SLC14A2: variants seen among roughly 807,000 people sequenced by gnomAD.
SLC14A2 encodes the protein urea transporter 2.
SLC14A2 carries 91 observed loss-of-function variants against 104.6 expected under a neutral mutation model. The observed-to-expected ratio is 0.87, with a 90% CI of 0.73 to 1.04. SLC14A2 has a LOEUF of 1.04. Among genes scored for constraint, SLC14A2 ranks in the 50% least tolerant of loss-of-function variants. The pLI is 0.00. For synonymous variants in SLC14A2, 476 were observed against 466.4 expected, an observed-to-expected ratio of 1.02 and a Z score of -0.27; for missense variants, 1,189 against 1,156.0, an observed-to-expected ratio of 1.03 and a Z score of -0.41.
At chr18:45,641,165 C>G in intron 7 of SLC14A2, 44 bp from the exon 8 acceptor site, 1 of 1,604,456 alleles carries the variant, frequency 6.2e-7, no homozygotes, top group Non-Finnish European at 8.5e-7. Context: ...GGTCTTTGTT[C>G]TGTGGCCCAG....
At chr18:45,319,819 G>T (rs368039823) in intron 1 of SLC14A2, among the ~76,000 whole-genome samples, 27 of 152,336 alleles carry the variant, frequency 1.8e-4, no homozygotes, top group African/African-American at 6.5e-4. Flanking sequence ...AATGGCTTCA[G>T]TAGGGTATAT....
chr18:45,496,313 TG>T (rs2043096989), intron 2 of SLC14A2, among the ~76,000 whole-genome samples: 1 of 152,196 alleles, frequency 6.6e-6, no homozygotes, highest in African/African-American at 2.4e-5. Context: ...GAAAGATGCC[TG>T]GATAGCTGGT....
intron 1 of SLC14A2, among the ~76,000 whole-genome samples, chr18:45,334,543 A>G (rs1397819414): frequency 6.6e-6 from 1 of 152,188 alleles, no homozygotes; most frequent in African/African-American, 2.4e-5. Flanking sequence ...GTATAAATGT[A>G]TTTACTTCTG....
chr18:45,400,072 A>G (rs1428333753), intron 1 of SLC14A2, among the ~76,000 whole-genome samples: 1 of 152,208 alleles, frequency 6.6e-6, no homozygotes, highest in Non-Finnish European at 1.5e-5. Flanking sequence ...GTGTAATATT[A>G]TTTGAGACAA....
chr18:45,295,188 G>C (rs1177505882), intron 1 of SLC14A2, among the ~76,000 whole-genome samples: 1 of 152,172 alleles, frequency 6.6e-6, no homozygotes, highest in Admixed American at 6.5e-5. Context: ...TTCTGTTTTG[G>C]ACAACTGGGA....
At chr18:45,547,185 GA>G (rs1035600941) in intron 2 of SLC14A2, among the ~76,000 whole-genome samples, 8 of 149,622 alleles carry the variant, frequency 5.3e-5, no homozygotes, top group Admixed American at 1.3e-4. Context: ...TAAACAAAAG[GA>G]AAAAAAAAGA....
intron 2 of SLC14A2, among the ~76,000 whole-genome samples, chr18:45,500,930 A>C (rs2043188268): frequency 6.6e-6 from 1 of 152,206 alleles, no homozygotes; most frequent in Non-Finnish European, 1.5e-5. Flanking sequence ...TAACATAGCA[A>C]GAAGTATTTC....
intron 1 of SLC14A2, among the ~76,000 whole-genome samples, chr18:45,401,342 G>A (rs2086093898): frequency 6.6e-6 from 1 of 152,166 alleles, no homozygotes; most frequent in South Asian, 2.1e-4. Context: ...CATGAGGGTA[G>A]GGACTATTTT....
intron 1 of SLC14A2, among the ~76,000 whole-genome samples, chr18:45,277,699 G>A (rs376570712): frequency 9.2e-5 from 14 of 152,136 alleles, no homozygotes; most frequent in Admixed American, 2.0e-4. Flanking sequence ...ATGAGCCACC[G>A]TGACCGGCCT....
At chr18:45,356,521 G>A (rs1005950926) in intron 1 of SLC14A2, among the ~76,000 whole-genome samples, 1 of 152,170 alleles carries the variant, frequency 6.6e-6, no homozygotes. Context: ...TTGGACTAAT[G>A]AGATACGGGA....
At chr18:45,380,904 T>C (rs1453910997) in intron 1 of SLC14A2, among the ~76,000 whole-genome samples, 1 of 152,232 alleles carries the variant, frequency 6.6e-6, no homozygotes, top group Non-Finnish European at 1.5e-5. Context: ...CTTAGCCTTG[T>C]TATCGGGGAT....
chr18:45,173,794 G>A, the SLC14A2 span, among the ~76,000 whole-genome samples: 51,075 of 151,944 alleles, frequency 0.34, 9,079 homozygotes, highest in Non-Finnish European at 0.4. Flanking sequence ...CCTGGCTGTG[G>A]TACTACAGAG....
intron 1 of SLC14A2, among the ~76,000 whole-genome samples, chr18:45,274,955 A>C (rs1323086601): frequency 6.6e-6 from 1 of 152,202 alleles, no homozygotes; most frequent in East Asian, 1.9e-4. Flanking sequence ...TCCAGGGAGA[A>C]GCTGTAGAGA....
chr18:45,673,207 A>G (rs1473301794), intron 17 of SLC14A2, among the ~76,000 whole-genome samples, 160 bp downstream of exon 17: 1 of 152,020 alleles, frequency 6.6e-6, no homozygotes, highest in Non-Finnish European at 1.5e-5. Flanking sequence ...TAGCCCCTTT[A>G]TCCTCCCCTG....
chr18:45,559,215 A>G (rs946290901), intron 2 of SLC14A2, among the ~76,000 whole-genome samples: 2 of 152,208 alleles, frequency 1.3e-5, no homozygotes, highest in Non-Finnish European at 1.5e-5. Flanking sequence ...AGCAGCCACA[A>G]TGTTAGTCAG....
At chr18:45,672,545 AT>A (rs1171295141) in intron 16 of SLC14A2, among the ~76,000 whole-genome samples, 8 of 150,678 alleles carry the variant, frequency 5.3e-5, no homozygotes, top group Non-Finnish European at 1.0e-4. Context: ...AAAAAAAAAA[AT>A]TCACAAAGGG....
At chr18:45,256,054 C>T (rs1184868523) in intron 1 of SLC14A2, among the ~76,000 whole-genome samples, 2 of 152,192 alleles carry the variant, frequency 1.3e-5, no homozygotes, top group Admixed American at 1.3e-4. Context: ...CACTGACAAG[C>T]TGGGTTATGG....
At chr18:45,554,663 G>C (rs138949566) in intron 2 of SLC14A2, among the ~76,000 whole-genome samples, 3 of 151,940 alleles carry the variant, frequency 2.0e-5, no homozygotes, top group Middle Eastern at 3.2e-3. Flanking sequence ...ATGGGGGTGT[G>C]GGGGGGAATA....
intron 1 of SLC14A2, among the ~76,000 whole-genome samples, chr18:45,461,017 A>G (rs866823212): frequency 6.6e-6 from 1 of 152,044 alleles, no homozygotes; most frequent in Admixed American, 6.6e-5. Context: ...ATGAGATCTC[A>G]GCTCCCACTC....
Sources: allele counts gnomAD v4.1 joint callset (sites outside exome capture counted in the v4.1 genomes callset), GRCh38; gene constraint gnomAD v4.1.1; transcripts MANE v1.5; gene names NCBI Gene and HGNC (gene_info 2026-07-23, HGNC 2026-07-21).